Variants in ZNF484 observed in about 807,000 individuals in gnomAD.
ZNF484 encodes the protein KRAB box containing C2H2 type zinc finger bA526D8.4.
A neutral mutation model predicts 12.9 loss-of-function variants in ZNF484; 11 were observed. That is an observed-to-expected ratio of 0.85 (90% CI 0.54 to 1.41). The LOEUF (loss-of-function observed/expected upper bound fraction) is 1.41, where lower values mean the gene tolerates loss of function less well. Ranked by LOEUF, ZNF484 falls within the 40% of genes most tolerant of loss-of-function variation. ZNF484 has a pLI of 0.00. For missense variants in ZNF484, 807 were observed against 1,007.7 expected (o/e 0.80, Z 2.70); for synonymous variants, 289 against 334.1 (o/e 0.86, Z 1.47).
chr9:92,859,964 G>A (rs550212865), intron 2 of ZNF484, among the ~76,000 whole-genome samples: 6 of 152,284 alleles, frequency 3.9e-5, no homozygotes, highest in Admixed American at 2.6e-4. Context: ...TAATACGCAT[G>A]GAGTATTGCC....
At position 92,847,362 on chromosome 9, in the gene ZNF484, C is replaced by G. The variant is rs764318556; in HGVS notation, c.1425G>C (p.Lys475Asn). 5 of 1,613,552 alleles carry G rather than the reference C, an allele frequency of 3.1e-6. No homozygotes were observed. In the African/African-American group the frequency reaches 5.3e-5, roughly 17 times the overall value. Reference protein sequence around the residue: ...ENPFICSECGKVFTHKTNLII... With the variant: ...ENPFICSECGNVFTHKTNLII... ...TGAGATTTGTCTTGTGAGTGAAGACCTTCCCACATTCTGAACATATAAAGG... is the reference window on the plus strand; with the variant it reads ...TGAGATTTGTCTTGTGAGTGAAGACGTTCCCACATTCTGAACATATAAAGG... Residue 475 changes from lysine to asparagine, a missense_variant, in exon 5 of 5, where the codon AAG (lysine) becomes AAC (asparagine). Transcript: ENST00000375495.
In ZNF484 at chr9:92,862,739, T is replaced by A. The variant is rs116332937; in HGVS notation, c.16-6421A>T. On this transcript the variant is annotated intron_variant, in intron 2 of 4. Transcript: ENST00000375495. ...AGTAATTTATATATAGAGAAAAGAT[T>A]ATTAGATTTATGTTTACAACTGCCA... is the stretch of plus-strand genomic sequence containing the variant. Among the ~76,000 whole-genome samples the A allele has an allele frequency of 3.3e-3, 495 of 152,222 alleles. 1 individual carries two copies. The highest frequency in any genetic ancestry group is 0.011 in the African/African-American group (463 of 41,530).
intron 2 of ZNF484, among the ~76,000 whole-genome samples, chr9:92,857,698 C>T (rs530804296): frequency 9.2e-5 from 14 of 152,306 alleles, no homozygotes; most frequent in African/African-American, 3.4e-4. Flanking sequence ...ACTGGATGTA[C>T]GTGTTCTCCC....
intron 1 of ZNF484, 51 bp downstream of exon 1, chr9:92,877,839 A>C (rs1857932513): frequency 6.5e-7 from 1 of 1,535,864 alleles, no homozygotes; most frequent in Non-Finnish European, 8.7e-7. Flanking sequence ...CAGGACAGAC[A>C]TCAGAGATTC....
Position 92,846,677 on chromosome 9 carries a change from T to G in ZNF484, c.2110A>C (p.Lys704Gln), listed in dbSNP as rs1481473884. 4.3e-6 allele frequency: 7 copies of G among 1,614,110 alleles called. No individual in the cohort carries two copies. Among genetic ancestry groups the G allele is most frequent in the Non-Finnish European group, 5.9e-6 (7 of 1,180,010 alleles). ...CSECGKAFAR[K>Q]STLIMHQRIH... is the part of the protein sequence containing the mutation. Reference sequence around the variant, plus strand: ...CTCTGATGCATAATTAGTGTTGATTTTCTTGCAAAGGCTTTCCCACATTCA... The same window carrying G: ...CTCTGATGCATAATTAGTGTTGATTGTCTTGCAAAGGCTTTCCCACATTCA... Residue 704 changes from lysine (K) to glutamine (Q), a missense_variant, in exon 5 of 5, where the codon AAA (lysine) becomes CAA (glutamine). By Grantham distance (53) the Lys-to-Gln change is moderately conservative (BLOSUM62 1). Coordinates refer to ENST00000375495, the MANE Select transcript of ZNF484 (RefSeq NM_031486.4).
Position 92,845,914 on chromosome 9 carries a change from C to T in ZNF484, c.*314G>A, listed in dbSNP as rs920993763. ...TTGCCTTGATCTCAGTGTCCTTAGG[C>T]TGCTTAGACAATGTAAAATTATCTC... On this transcript the variant is annotated 3_prime_UTR_variant, in exon 5 of 5. Transcript: ENST00000375495. The surrounding 1 kb of genome is among the most constrained non-coding windows in gnomAD (Gnocchi z 4.0). The T allele has an allele frequency of 4.2e-5, 11 of 260,252 alleles. No homozygotes were observed. Among genetic ancestry groups the T allele is most frequent in the Admixed American group, 9.7e-5 (2 of 20,634 alleles). 16.1% of individuals were successfully genotyped at this position (260,252 alleles called of 1,614,324 possible).
At chr9:92,871,802 T>C (rs1857448949) in intron 2 of ZNF484, among the ~76,000 whole-genome samples, 2 of 152,320 alleles carry the variant, frequency 1.3e-5, no homozygotes, top group East Asian at 3.9e-4. Flanking sequence ...GTGAATATGT[T>C]AGGTTGCATG....
intron 3 of ZNF484, 42 bp downstream of exon 3, chr9:92,856,150 A>G (rs372685663): frequency 1.2e-6 from 2 of 1,603,718 alleles, no homozygotes; most frequent in Non-Finnish European, 1.7e-6. Context: ...AATATACTCA[A>G]TTAGGTGCAG....
chr9:92,865,845 G>A (rs1010449769), intron 2 of ZNF484, among the ~76,000 whole-genome samples: 1 of 152,200 alleles, frequency 6.6e-6, no homozygotes, highest in Non-Finnish European at 1.5e-5. Flanking sequence ...GAAAGTTGAG[G>A]CTGTAGTGAG....
chr9:92,856,124 T>G, intron 3 of ZNF484, 68 bp downstream of exon 3: 1 of 1,589,276 alleles, frequency 6.3e-7, no homozygotes, highest in South Asian at 1.1e-5. Context: ...ACTTCAGCAA[T>G]TCTACTGAGA....
At position 92,846,125 on chromosome 9, in the gene ZNF484, T is replaced by C; in HGVS notation, c.*103A>G. 1 of 1,198,872 alleles carries C rather than the reference T, an allele frequency of 8.3e-7. No homozygotes were observed. The highest frequency in any genetic ancestry group is 1.2e-6 in the Non-Finnish European group (1 of 853,838). The allele number at this position is 1,198,872 out of a possible 1,614,324, so 74.3% of individuals were successfully genotyped here. A position where few individuals can be genotyped will look rare whatever the true frequency, so the allele number is the denominator to read the frequency against. ...GGAGCTTGACAACACCAATATCAAG[T>C]AACCAAAGATGGCCACTATACATTG... On this transcript the variant is annotated 3_prime_UTR_variant, in exon 5 of 5. Coordinates refer to ENST00000375495, the MANE Select transcript of ZNF484 (RefSeq NM_031486.4).
In ZNF484 at chr9:92,877,912, C is replaced by G; in HGVS notation, c.-53G>C. The G allele has an allele frequency of 6.5e-7, 1 of 1,527,382 alleles. No individual in the cohort carries two copies. Among genetic ancestry groups the G allele is most frequent in the Non-Finnish European group, 8.8e-7 (1 of 1,139,500 alleles). 94.6% of individuals were successfully genotyped at this position (1,527,382 alleles called of 1,614,324 possible). ...CACCTGCCCCTCACCCACGTCCTCT[C>G]AGGACAGTGGTCATTTGCCTCGGGA... On this transcript the variant is annotated 5_prime_UTR_variant, in exon 1 of 5. Transcript: ENST00000375495.
Position 92,846,702 on chromosome 9 carries a change from A to G in ZNF484, c.2085T>C (p.Ser695=). The part of the protein sequence containing the change: ...SHTGERHYEC[S]ECGKAFARKS... ...TTCTTGCAAAGGCTTTCCCACATTC[A>G]CTGCACTCATAATGCCTTTCTCCAG... The change falls in exon 5 of 5, where the codon AGT becomes AGC. Residue 695 remains serine, a synonymous_variant. Coordinates refer to ENST00000375495, the MANE Select transcript of ZNF484 (RefSeq NM_031486.4). 18 of 1,614,046 alleles carry G rather than the reference A, an allele frequency of 1.1e-5. No homozygotes were observed. Among genetic ancestry groups the G allele is most frequent in the Non-Finnish European group, 1.4e-5 (17 of 1,180,002 alleles).
chr9:92,867,636 AAAG>A (rs1857188324), intron 2 of ZNF484, among the ~76,000 whole-genome samples: 1 of 152,218 alleles, frequency 6.6e-6, no homozygotes, highest in Admixed American at 6.5e-5. Flanking sequence ...AATTTTAAAA[AAAG>A]AAAATATTGC....
chr9:92,858,967 T>A (rs1010268044), intron 2 of ZNF484, among the ~76,000 whole-genome samples: 19 of 151,340 alleles, frequency 1.3e-4, no homozygotes, highest in African/African-American at 4.1e-4. Flanking sequence ...CTACTAAAAA[T>A]ATAAAAAAAT....
chr9:92,877,620 A>T (rs1231665657), intron 1 of ZNF484, among the ~76,000 whole-genome samples: 4 of 152,038 alleles, frequency 2.6e-5, no homozygotes, highest in African/African-American at 9.7e-5. Flanking sequence ...TCCCATAGTC[A>T]TCCTCCCCCA....
chr9:92,860,162 C>T (rs1856693828), intron 2 of ZNF484, among the ~76,000 whole-genome samples: 1 of 152,166 alleles, frequency 6.6e-6, no homozygotes, highest in South Asian at 2.1e-4. Context: ...CCAAAGCTCC[C>T]ACCATAAATC....
At chr9:92,873,480 G>A (rs1857586109) in intron 2 of ZNF484, among the ~76,000 whole-genome samples, 1 of 152,122 alleles carries the variant, frequency 6.6e-6, no homozygotes, top group South Asian at 2.1e-4. Context: ...AATAGACAAT[G>A]TGAATAGCCC....
At chr9:92,851,902 CTCAT>C (rs2131603113) in intron 4 of ZNF484, among the ~76,000 whole-genome samples, 1 of 152,304 alleles carries the variant, frequency 6.6e-6, no homozygotes, top group East Asian at 1.9e-4. Context: ...CTCTGAACCA[CTCAT>C]ATTTATATTT....
Sources: gnomAD v4.1 joint callset for allele counts (sites outside exome capture counted in the v4.1 genomes callset) on GRCh38, gnomAD v4.1.1 for gene constraint, Gnocchi (gnomAD v3.1) non-coding constraint, MANE v1.5 for transcripts, NCBI Gene and HGNC (gene_info 2026-07-23, HGNC 2026-07-21) for gene names.